The following LRFN2 variants were observed in gnomAD, a reference collection of about 807,000 sequenced individuals.
LRFN2 encodes the protein leucine rich repeat and fibronectin type III domain containing 2.
LRFN2 carries 18 observed loss-of-function variants against 37.3 expected under a neutral mutation model. The ratio of observed to expected loss-of-function variants is 0.48; its 90% confidence interval spans 0.33 to 0.72. LRFN2 has a LOEUF of 0.72. LRFN2 is among the 30% of genes least tolerant of loss of function. The probability of loss-of-function intolerance (pLI) is 0.02; values close to 1 mark genes in which losing one functional copy is unlikely to be tolerated. For synonymous variants in LRFN2, 556 were observed against 466.6 expected (o/e 1.19, Z -2.47); for missense variants, 1,006 against 1,060.7 (o/e 0.95, Z 0.72).
chr6:40,477,540 TG>T (rs1764736095), intron 1 of LRFN2, among the ~76,000 whole-genome samples: 1 of 152,202 alleles, frequency 6.6e-6, no homozygotes, highest in African/African-American at 2.4e-5. Flanking sequence ...GTTGGTGGGC[TG>T]GGGCAGGGGT....
chr6:40,474,096 A>T (rs967526792), intron 1 of LRFN2, among the ~76,000 whole-genome samples: 3 of 152,072 alleles, frequency 2.0e-5, no homozygotes, highest in African/African-American at 7.2e-5. Flanking sequence ...TCTAATAGGT[A>T]TAGTGGGGGA....
rs564144470 is a variant in LRFN2 at position 40,393,167 on chromosome 6, G to A, written c.1401-255C>T. 4.6e-5 allele frequency among the ~76,000 whole-genome samples: 7 copies of A among 151,662 alleles called. No homozygotes were observed. The South Asian group carries it at 6.3e-4, about 14-fold the overall frequency. ...AGGGGCAGGGGCAGGCAGGCAACAG[G>A]AATAGGGCATAGGGAATAGAGAAGA... is the stretch of plus-strand genomic sequence containing the variant. On this transcript the variant is annotated intron_variant, in intron 2 of 2. Coordinates refer to ENST00000338305, the MANE Select transcript of LRFN2 (RefSeq NM_020737.3).
Position 40,392,605 on chromosome 6 carries a change from C to T in LRFN2, c.1708G>A (p.Ala570Thr), listed in dbSNP as rs778377494. The change falls in exon 3 of 3, where the codon GCG becomes ACG. Residue 570 changes from alanine to threonine, a missense_variant. Physicochemically the swap from Ala to Thr is moderately conservative, Grantham distance 58. Transcript: ENST00000338305. This position sits in a 1 kb window ranked among gnomAD's most constrained non-coding sequence, Gnocchi z 4.7. ...TGCGAGTACACATTGCTCACGGCCG[C>T]TGCCATCTTGCTGGGGGCCTCGTGG... is the stretch of plus-strand genomic sequence containing the variant. The part of the protein sequence containing the change: ...CNHEAPSKMA[A>T]AVSNVYSQTN... 6 of 1,609,876 alleles carry T rather than the reference C, an allele frequency of 3.7e-6. No individual in the cohort carries two copies. In the South Asian group the frequency reaches 6.6e-5, roughly 18 times the overall value.
intron 2 of LRFN2, among the ~76,000 whole-genome samples, chr6:40,395,171 T>G (rs1456139917): frequency 6.6e-6 from 1 of 152,088 alleles, no homozygotes. Flanking sequence ...ATGACAGTCC[T>G]GTAAAGGCAG....
At chr6:40,494,998 C>T (rs1765191328) in intron 1 of LRFN2, among the ~76,000 whole-genome samples, 2 of 152,236 alleles carry the variant, frequency 1.3e-5, no homozygotes. Flanking sequence ...ACCCAATCAT[C>T]CATCTGCTTG....
chr6:40,578,958 A>T (rs1193052953), intron 1 of LRFN2, among the ~76,000 whole-genome samples: 1 of 152,186 alleles, frequency 6.6e-6, no homozygotes, highest in Non-Finnish European at 1.5e-5. Flanking sequence ...TGGTGCCTAA[A>T]TGTTCCCTAA....
At chr6:40,440,713 T>C (rs1384190426) in intron 1 of LRFN2, among the ~76,000 whole-genome samples, 1 of 152,200 alleles carries the variant, frequency 6.6e-6, no homozygotes. Flanking sequence ...ACCTCCTGGG[T>C]GGGATAACTC....
At chr6:40,399,700 A>C (rs1762698832) in intron 2 of LRFN2, among the ~76,000 whole-genome samples, 1 of 151,684 alleles carries the variant, frequency 6.6e-6, no homozygotes, top group Non-Finnish European at 1.5e-5. Context: ...GGCTTCCTAA[A>C]GTGCTGGGAT....
At chr6:40,488,231 G>A (rs1268706995) in intron 1 of LRFN2, among the ~76,000 whole-genome samples, 1 of 152,080 alleles carries the variant, frequency 6.6e-6, no homozygotes, top group African/African-American at 2.4e-5. Context: ...ACCAGGGAAT[G>A]GGTGGCTTGG....
In LRFN2 at chr6:40,400,274, G is replaced by A. The variant is rs1039807666; in HGVS notation, c.1401-7362C>T. ...AATGCTGAGTAAATATTTACCCTAC[G>A]GTTAGGCAGTGAGTGCAAGAGTGCT... On this transcript the variant is annotated intron_variant, in intron 2 of 2. Coordinates refer to ENST00000338305, the MANE Select transcript of LRFN2 (RefSeq NM_020737.3). Among the ~76,000 whole-genome samples, 12 of 151,736 alleles carry A rather than the reference G, an allele frequency of 7.9e-5. 1 individual carries two copies. The highest frequency in any genetic ancestry group is 4.2e-4 in the South Asian group (2 of 4,812).
intron 1 of LRFN2, among the ~76,000 whole-genome samples, chr6:40,572,473 G>A (rs963470683): frequency 6.6e-6 from 1 of 152,210 alleles, no homozygotes; most frequent in Admixed American, 6.5e-5. Flanking sequence ...ACTATGGGAA[G>A]TGTTTGGAAG....
chr6:40,510,746 T>C (rs1010147548), intron 1 of LRFN2, among the ~76,000 whole-genome samples: 10 of 152,180 alleles, frequency 6.6e-5, no homozygotes, highest in East Asian at 1.9e-4. Context: ...CTGTTTTGCA[T>C]TGGGTGGCCA....
chr6:40,463,670 ATTTTTTTT>A (rs66745321), intron 1 of LRFN2, among the ~76,000 whole-genome samples: 15 of 76,532 alleles, frequency 2.0e-4, no homozygotes, highest in Admixed American at 3.9e-4. Context: ...CTTTCTTTCT[ATTTTTTTT>A]TTTTTTTTTT....
intron 1 of LRFN2, among the ~76,000 whole-genome samples, chr6:40,566,526 C>G (rs1157996797): frequency 6.6e-6 from 1 of 151,740 alleles, no homozygotes; most frequent in Non-Finnish European, 1.5e-5. Context: ...AAATGTGGCA[C>G]ATATACACCA....
intron 1 of LRFN2, among the ~76,000 whole-genome samples, chr6:40,565,907 C>A (rs1446192811): frequency 6.6e-6 from 1 of 151,910 alleles, no homozygotes; most frequent in East Asian, 1.9e-4. Context: ...AACTAAAGAG[C>A]TTCTGCACAG....
intron 1 of LRFN2, among the ~76,000 whole-genome samples, chr6:40,551,824 T>C (rs1333017387): frequency 2.0e-5 from 3 of 152,178 alleles, no homozygotes; most frequent in Non-Finnish European, 4.4e-5. Context: ...TAAATATAAT[T>C]ACTCTGATCT....
intron 2 of LRFN2, among the ~76,000 whole-genome samples, chr6:40,405,720 C>T (rs974513398): frequency 6.6e-6 from 1 of 152,110 alleles, no homozygotes; most frequent in Non-Finnish European, 1.5e-5. Flanking sequence ...GAATGGGTCC[C>T]CCCTCCAACC....
chr6:40,401,555 C>T (rs965091823), intron 2 of LRFN2, among the ~76,000 whole-genome samples: 2 of 152,132 alleles, frequency 1.3e-5, no homozygotes, highest in African/African-American at 4.8e-5. Context: ...TGAGGCTTTA[C>T]ATTATGGCAA....
At chr6:40,536,429 C>T (rs1028184594) in intron 1 of LRFN2, among the ~76,000 whole-genome samples, 1 of 152,248 alleles carries the variant, frequency 6.6e-6, no homozygotes, top group Non-Finnish European at 1.5e-5. Flanking sequence ...CACATGTTAA[C>T]TATTCCCCAA....
Sources: allele counts gnomAD v4.1 joint callset (sites outside exome capture counted in the v4.1 genomes callset), GRCh38; gene constraint gnomAD v4.1.1; non-coding constraint Gnocchi (gnomAD v3.1); transcripts MANE v1.5; gene names NCBI Gene and HGNC (gene_info 2026-07-23, HGNC 2026-07-21).